Variants in NRG3 observed in about 807,000 individuals in gnomAD.
NRG3 encodes the protein neuregulin 3, also known as pro-neuregulin-3, membrane-bound isoform.
In NRG3, 31 loss-of-function variants were observed where a neutral mutation model predicts 66.9. The observed-to-expected ratio is 0.46, with a 90% confidence interval of 0.35 to 0.63. NRG3 has a LOEUF of 0.63. NRG3 is among the 20% of genes least tolerant of loss of function. The pLI, the probability that NRG3 is intolerant of heterozygous loss-of-function variation, is 0.00. For synonymous variants in NRG3, 393 were observed against 359.4 expected (o/e 1.09, Z -1.06); for missense variants, 910 against 878.9 (o/e 1.04, Z -0.45).
intron 1 of NRG3, among the ~76,000 whole-genome samples, chr10:82,122,762 T>C (rs1433634292): frequency 6.6e-6 from 1 of 152,212 alleles, no homozygotes; most frequent in Admixed American, 6.6e-5. Context: ...CCATGTGTTA[T>C]GTGTGTCAAC....
chr10:82,044,655 C>T (rs1480361673), intron 1 of NRG3, among the ~76,000 whole-genome samples: 1 of 151,710 alleles, frequency 6.6e-6, no homozygotes, highest in Non-Finnish European at 1.5e-5. Context: ...ATACATGTGC[C>T]ATGCTGGTGT....
intron 2 of NRG3, among the ~76,000 whole-genome samples, chr10:82,518,125 T>C (rs1476517866): frequency 6.6e-6 from 1 of 152,180 alleles, no homozygotes; most frequent in African/African-American, 2.4e-5. Flanking sequence ...TACTAGCCTG[T>C]AAAATCAGTG....
intron 1 of NRG3, among the ~76,000 whole-genome samples, chr10:82,184,320 A>T (rs1222883972): frequency 2.6e-5 from 4 of 152,174 alleles, no homozygotes; most frequent in Non-Finnish European, 5.9e-5. Flanking sequence ...TGGAAGTTGT[A>T]CACATCCTTC....
At position 82,588,931 on chromosome 10, in the gene NRG3, C is replaced by T. The variant is rs889574054; in HGVS notation, c.954-149646C>T. Among the ~76,000 whole-genome samples the T allele has an allele frequency of 2.6e-5, 4 of 152,186 alleles. No individual in the cohort carries two copies. In the South Asian group the frequency reaches 6.2e-4, roughly 24 times the overall value. Reference sequence around the variant, plus strand: ...CAGAGTTGGCCCAGTTTCCCAGAGCCATTCCCTCATTCAGGCTGTCTCATA... The same window carrying T: ...CAGAGTTGGCCCAGTTTCCCAGAGCTATTCCCTCATTCAGGCTGTCTCATA... On this transcript the variant is annotated intron_variant, in intron 2 of 8. Transcript: ENST00000372141.
At chr10:82,320,360 G>A (rs1199114302) in intron 1 of NRG3, among the ~76,000 whole-genome samples, 1 of 152,052 alleles carries the variant, frequency 6.6e-6, no homozygotes, top group African/African-American at 2.4e-5. Context: ...TGTGGAAGAG[G>A]AGAAAAAGAA....
At chr10:82,503,180 G>A (rs1001136950) in intron 2 of NRG3, among the ~76,000 whole-genome samples, 8 of 152,138 alleles carry the variant, frequency 5.3e-5, no homozygotes, top group African/African-American at 9.7e-5. Context: ...AAACAGAAGC[G>A]AAGGGAAGAT....
intron 1 of NRG3, among the ~76,000 whole-genome samples, chr10:82,128,728 TA>T (rs1475267844): frequency 7.1e-6 from 1 of 141,484 alleles, no homozygotes; most frequent in Non-Finnish European, 1.6e-5. Context: ...GAAGCATTTT[TA>T]AAAGCTTGTT....
intron 1 of NRG3, among the ~76,000 whole-genome samples, chr10:82,294,436 T>A (rs1393414732): frequency 1.3e-4 from 5 of 39,024 alleles, no homozygotes; most frequent in East Asian, 7.9e-4. Flanking sequence ...ACTGATGAAG[T>A]GTGTGTGTGT....
chr10:82,868,231 G>A (rs1433741168), intron 4 of NRG3, among the ~76,000 whole-genome samples: 1 of 152,152 alleles, frequency 6.6e-6, no homozygotes, highest in East Asian at 1.9e-4. Context: ...AATTTATAGA[G>A]TTATAATTTG....
chr10:82,102,570 T>C (rs2132132502), intron 1 of NRG3, among the ~76,000 whole-genome samples: 1 of 151,922 alleles, frequency 6.6e-6, no homozygotes, highest in Admixed American at 6.6e-5. Flanking sequence ...ATTATTTGAA[T>C]ATTTTTATCA....
intron 1 of NRG3, among the ~76,000 whole-genome samples, chr10:81,886,615 A>T (rs1842632925): frequency 6.6e-6 from 1 of 152,160 alleles, no homozygotes; most frequent in Non-Finnish European, 1.5e-5. Flanking sequence ...AGGACAACAG[A>T]TGTTTACTCA....
At chr10:82,628,751 G>A (rs897347338) in intron 2 of NRG3, among the ~76,000 whole-genome samples, 2 of 152,154 alleles carry the variant, frequency 1.3e-5, no homozygotes, top group Non-Finnish European at 2.9e-5. Context: ...GAACAGTTAC[G>A]GAAGTAGGAG....
chr10:82,852,544 C>G (rs112720713), intron 3 of NRG3, among the ~76,000 whole-genome samples: 9 of 152,050 alleles, frequency 5.9e-5, no homozygotes, highest in Non-Finnish European at 1.0e-4. Context: ...ACTCAGTTTT[C>G]TCATCTATAA....
At chr10:82,692,304 A>G (rs1273497315) in intron 2 of NRG3, among the ~76,000 whole-genome samples, 4 of 151,958 alleles carry the variant, frequency 2.6e-5, no homozygotes, top group Non-Finnish European at 5.9e-5. Flanking sequence ...AAAACTAGAT[A>G]TAGAGAATGT....
chr10:82,825,065 C>G (rs537010118), intron 3 of NRG3, among the ~76,000 whole-genome samples: 1 of 152,224 alleles, frequency 6.6e-6, no homozygotes, highest in Non-Finnish European at 1.5e-5. Context: ...ATTATGCATC[C>G]AAGTCCTTTA....
chr10:82,904,582 A>G (rs981694915), intron 4 of NRG3, among the ~76,000 whole-genome samples: 1 of 152,152 alleles, frequency 6.6e-6, no homozygotes, highest in African/African-American at 2.4e-5. Context: ...AATGTTTTTT[A>G]TATCATGGGA....
intron 8 of NRG3, among the ~76,000 whole-genome samples, chr10:82,981,100 G>A (rs1483817758): frequency 1.3e-5 from 2 of 151,992 alleles, no homozygotes; most frequent in East Asian, 1.9e-4. Context: ...CCATATGTTC[G>A]ATTAGTAAGG....
chr10:82,457,396 G>A (rs1032921006), intron 2 of NRG3, among the ~76,000 whole-genome samples: 6 of 152,232 alleles, frequency 3.9e-5, no homozygotes, highest in Admixed American at 2.0e-4. Flanking sequence ...AATAGGGTTC[G>A]CGCTCCTTTG....
intron 1 of NRG3, among the ~76,000 whole-genome samples, chr10:81,880,282 C>T (rs2132464971): frequency 6.6e-6 from 1 of 152,146 alleles, no homozygotes; most frequent in African/African-American, 2.4e-5. Context: ...GCATTCCTCC[C>T]CAGTTCTTCA....
Sources: gnomAD v4.1 joint callset for allele counts (sites outside exome capture counted in the v4.1 genomes callset) on GRCh38, gnomAD v4.1.1 for gene constraint, MANE v1.5 for transcripts, NCBI Gene and HGNC (gene_info 2026-07-23, HGNC 2026-07-21) for gene names.